The following USH2A variants were observed in gnomAD, a reference collection of about 807,000 sequenced individuals.
USH2A encodes the protein usherin.
A neutral mutation model predicts 538.9 loss-of-function variants in USH2A; 443 were observed. The observed-to-expected ratio is 0.82, with a 90% CI of 0.76 to 0.89. The LOEUF is 0.89. Ranked by LOEUF, USH2A falls within the 40% of genes least tolerant of loss-of-function variation. USH2A has a pLI of 0.00. For missense variants in USH2A, 6,633 were observed against 6,324.8 expected, an observed-to-expected ratio of 1.05 and a Z score of -1.65; for synonymous variants, 2,413 against 2,273.5, an observed-to-expected ratio of 1.06 and a Z score of -1.75.
At chr1:215,891,019 G>A (rs889311817) in intron 40 of USH2A, among the ~76,000 whole-genome samples, 2 of 152,118 alleles carry the variant, frequency 1.3e-5, no homozygotes, top group Non-Finnish European at 1.5e-5. Context: ...ATCAAACTGT[G>A]AGCATCTTCA....
chr1:215,756,391 A>G (rs1462099071), intron 58 of USH2A, among the ~76,000 whole-genome samples: 1 of 152,232 alleles, frequency 6.6e-6, no homozygotes, highest in Non-Finnish European at 1.5e-5. Flanking sequence ...TTAAAATAAC[A>G]GATATTTTGA....
At chr1:215,714,049 G>T (rs1234645101) in intron 61 of USH2A, among the ~76,000 whole-genome samples, 1 of 152,100 alleles carries the variant, frequency 6.6e-6, no homozygotes, top group Admixed American at 6.5e-5. Context: ...CATGTGTAAA[G>T]TGCCCATAAT....
At chr1:215,870,437 G>A (rs1465406621) in intron 43 of USH2A, among the ~76,000 whole-genome samples, 3 of 150,480 alleles carry the variant, frequency 2.0e-5, no homozygotes, top group African/African-American at 7.3e-5. Context: ...TGGGACTACA[G>A]GTGTCAGCCA....
At chr1:216,147,724 A>G (rs1328255861) in intron 21 of USH2A, among the ~76,000 whole-genome samples, 5 of 150,876 alleles carry the variant, frequency 3.3e-5, no homozygotes, top group East Asian at 2.0e-4. Flanking sequence ...ACTGTGAGAC[A>G]AACCCCAGCC....
chr1:216,380,041 T>C (rs2038900951), intron 3 of USH2A, among the ~76,000 whole-genome samples: 1 of 152,208 alleles, frequency 6.6e-6, no homozygotes, highest in South Asian at 2.1e-4. Flanking sequence ...AACTGGATAC[T>C]TATTGACTTA....
At chr1:216,408,079 C>T (rs962422781) in intron 3 of USH2A, among the ~76,000 whole-genome samples, 12 of 152,208 alleles carry the variant, frequency 7.9e-5, no homozygotes, top group African/African-American at 2.2e-4. Flanking sequence ...TGAGAAACCA[C>T]CATTTTCTAG....
At chr1:216,277,131 A>C (rs2036685201) in intron 11 of USH2A, among the ~76,000 whole-genome samples, 1 of 152,164 alleles carries the variant, frequency 6.6e-6, no homozygotes, top group Non-Finnish European at 1.5e-5. Context: ...TCTTGCTAAA[A>C]GTCTTAAAAT....
At chr1:216,057,748 A>T (rs558123872) in intron 30 of USH2A, among the ~76,000 whole-genome samples, 1 of 152,316 alleles carries the variant, frequency 6.6e-6, no homozygotes, top group African/African-American at 2.4e-5. Context: ...ATGGTCTACT[A>T]TAAAAACTGG....
intron 21 of USH2A, among the ~76,000 whole-genome samples, chr1:216,154,998 T>C (rs780781627): frequency 7.7e-6 from 1 of 130,448 alleles, no homozygotes; most frequent in Non-Finnish European, 1.7e-5. Context: ...TCTGTATATC[T>C]TATCCAAATG....
rs1263424522 is a variant in USH2A, at chr1:215,623,073, A to G, written c.*2708T>C. 6.6e-6 allele frequency: 1 copy of G among 152,148 alleles called. No homozygotes were observed. The highest frequency in any genetic ancestry group is 1.5e-5 in the Non-Finnish European group (1 of 68,006). 9.4% of individuals were successfully genotyped at this position (152,148 alleles called of 1,614,324 possible). A position where few individuals can be genotyped will look rare whatever the true frequency, so the allele number is the denominator to read the frequency against. On this transcript the variant is annotated 3_prime_UTR_variant, in exon 72 of 72. Coordinates refer to ENST00000307340, the MANE Select transcript of USH2A (RefSeq NM_206933.4). ...TGGATGCCAGCATGATTTTTACATC[A>G]GTATATGGTACCATAACATTAATAT...
intron 37 of USH2A, among the ~76,000 whole-genome samples, chr1:215,937,280 G>C (rs1350941877): frequency 6.6e-6 from 1 of 152,082 alleles, no homozygotes; most frequent in African/African-American, 2.4e-5. Context: ...CTCTATATGT[G>C]TAATACTTAT....
chr1:215,891,763 T>G (rs954756208), intron 40 of USH2A, among the ~76,000 whole-genome samples: 1 of 152,114 alleles, frequency 6.6e-6, no homozygotes, highest in Admixed American at 6.5e-5. Flanking sequence ...ATGTGGAGTA[T>G]AACATGTTGT....
chr1:215,898,570 T>G lies in USH2A; in HGVS notation c.7594+1505A>C, dbSNP rs979700778. Among the ~76,000 whole-genome samples the G allele has an allele frequency of 9.9e-5, 15 of 151,942 alleles. 1 individual carries two copies. Among genetic ancestry groups the G allele is most frequent in the African/African-American group, 3.6e-4 (15 of 41,472 alleles). The stretch of plus-strand genomic sequence containing the variant: ...GAGTGTTGCCCTTTCTCTAGGAGAA[T>G]AAAGAATGCTGTGCCAAAAAAAAAA... On this transcript the variant is annotated intron_variant, in intron 40 of 71. Transcript: ENST00000307340.
At chr1:215,934,577 T>C (rs777308985) in intron 38 of USH2A, 39 bp downstream of exon 38, 6 of 1,593,586 alleles carry the variant, frequency 3.8e-6, no homozygotes, top group Non-Finnish European at 5.2e-6. Context: ...TCTAGGGCAT[T>C]TATATAAAAT....
At chr1:215,960,352 T>C (rs1311803226) in intron 37 of USH2A, among the ~76,000 whole-genome samples, 2 of 152,136 alleles carry the variant, frequency 1.3e-5, no homozygotes, top group African/African-American at 4.8e-5. Flanking sequence ...ACATTTGTTT[T>C]ATTTTTTAAA....
At chr1:216,211,579 T>G (rs77350568) in intron 15 of USH2A, among the ~76,000 whole-genome samples, 1,815 of 152,332 alleles carry the variant, frequency 0.012, 31 homozygotes, top group African/African-American at 0.041. Flanking sequence ...AATATTTACA[T>G]CATATGTTTT....
intron 11 of USH2A, among the ~76,000 whole-genome samples, chr1:216,284,889 A>G (rs2036851848): frequency 6.6e-6 from 1 of 152,182 alleles, no homozygotes; most frequent in Non-Finnish European, 1.5e-5. Flanking sequence ...CATTCTTGCT[A>G]TGCAAAGAGG....
At chr1:215,823,328 TG>T (rs1393696097) in intron 47 of USH2A, among the ~76,000 whole-genome samples, 1 of 152,062 alleles carries the variant, frequency 6.6e-6, no homozygotes, top group Non-Finnish European at 1.5e-5. Context: ...ATATGGCATT[TG>T]TTTTTTTATT....
intron 3 of USH2A, among the ~76,000 whole-genome samples, chr1:216,373,242 C>G: frequency 6.6e-6 from 1 of 152,226 alleles, no homozygotes; most frequent in Middle Eastern, 3.4e-3. Flanking sequence ...GTATAAAATA[C>G]TTTCAATGAA....
Sources: allele counts gnomAD v4.1 joint callset (sites outside exome capture counted in the v4.1 genomes callset), GRCh38; gene constraint gnomAD v4.1.1; transcripts MANE v1.5; gene names NCBI Gene and HGNC (gene_info 2026-07-23, HGNC 2026-07-21).